RIN3: variants seen among roughly 807,000 people sequenced by gnomAD.
RIN3 encodes Ras and Rab interactor 3.
In RIN3, 54 loss-of-function variants were observed where a neutral mutation model predicts 76.3. That is an observed-to-expected ratio of 0.71 (90% CI 0.57 to 0.89). The LOEUF (loss-of-function observed/expected upper bound fraction) is 0.89. Among genes scored for constraint, RIN3 ranks in the 40% least tolerant of loss-of-function variants. The pLI, the probability that RIN3 is intolerant of heterozygous loss-of-function variation, is 0.00. For synonymous variants in RIN3, 576 were observed against 564.0 expected, an observed-to-expected ratio of 1.02 and a Z score of -0.30; for missense variants, 1,256 against 1,322.1, an observed-to-expected ratio of 0.95 and a Z score of 0.78.
intron 6 of RIN3, among the ~76,000 whole-genome samples, chr14:92,653,522 A>C (rs1221621384): frequency 6.6e-6 from 1 of 152,154 alleles, no homozygotes; most frequent in Non-Finnish European, 1.5e-5. Context: ...CTCCGCAGTG[A>C]AATCATATGC....
At chr14:92,662,758 C>T (rs1887936890) in intron 7 of RIN3, among the ~76,000 whole-genome samples, 1 of 152,132 alleles carries the variant, frequency 6.6e-6, no homozygotes, top group Non-Finnish European at 1.5e-5. Context: ...CAATGAGTCC[C>T]AGTTTATCCA....
At chr14:92,516,341 T>C (rs1250459621) in intron 1 of RIN3, among the ~76,000 whole-genome samples, 1 of 152,128 alleles carries the variant, frequency 6.6e-6, no homozygotes, top group Admixed American at 6.5e-5. Context: ...GGGGTCCTGC[T>C]GGAGCCCTGA....
chr14:92,598,141 T>A (rs1885215402), intron 3 of RIN3, among the ~76,000 whole-genome samples: 1 of 152,168 alleles, frequency 6.6e-6, no homozygotes, highest in South Asian at 2.1e-4. Flanking sequence ...AGCTTCTGCC[T>A]GGACTCTGGG....
intron 1 of RIN3, among the ~76,000 whole-genome samples, chr14:92,529,955 T>G (rs1229989064): frequency 6.6e-6 from 1 of 152,174 alleles, no homozygotes. Context: ...TAAAACAAGG[T>G]TATGTATTGA....
Position 92,641,240 on chromosome 14 carries a change from A to T in RIN3, c.443A>T (p.Asp148Val). ...TTCTGCCCCTCGTGTCTTCACAGAGACTTACTGCCCTTCACACTGCGGCTA... is the reference window on the plus strand; with the variant it reads ...TTCTGCCCCTCGTGTCTTCACAGAGTCTTACTGCCCTTCACACTGCGGCTA... Reference protein sequence around the residue: ...RLIAFYCVSRDLLPFTLRLPQ... With the variant: ...RLIAFYCVSRVLLPFTLRLPQ... Residue 148 changes from aspartate to valine, a missense_variant and splice_region_variant, in exon 5 of 10, where the codon GAC (aspartate) becomes GTC (valine). By Grantham distance (152) the Asp-to-Val change is radical (BLOSUM62 -3). Transcript: ENST00000216487. 1 of 1,613,050 alleles carries T rather than the reference A, an allele frequency of 6.2e-7. No individual in the cohort carries two copies. The highest frequency in any genetic ancestry group is 8.5e-7 in the Non-Finnish European group (1 of 1,179,024).
chr14:92,601,352 G>T (rs972783068), intron 3 of RIN3, among the ~76,000 whole-genome samples: 1 of 152,136 alleles, frequency 6.6e-6, no homozygotes, highest in Non-Finnish European at 1.5e-5. Flanking sequence ...CCAAGGCCAC[G>T]TCCTAGCCTC....
intron 7 of RIN3, among the ~76,000 whole-genome samples, chr14:92,671,519 A>T (rs1390757235): frequency 6.6e-6 from 1 of 152,198 alleles, no homozygotes; most frequent in Non-Finnish European, 1.5e-5. Context: ...TTGGAGTTGG[A>T]GGAGGCAGAT....
At position 92,651,642 on chromosome 14, in the gene RIN3, G is replaced by C. The variant is rs781601373; in HGVS notation, c.593G>C (p.Arg198Thr). Reference sequence around the variant, plus strand: ...AGAGGGAAGCCAGCAGAGCCCCCAAGAGACCGGGCCCCCGGATTCCCCCTA... The same window carrying C: ...AGAGGGAAGCCAGCAGAGCCCCCAACAGACCGGGCCCCCGGATTCCCCCTA... The part of the protein sequence containing the change: ...QERGKPAEPP[R>T]DRAPGFPLVS... The change falls in exon 6 of 10, where the codon AGA becomes ACA. Residue 198 changes from arginine to threonine, a missense_variant. Physicochemically the swap from Arg to Thr is moderately conservative, Grantham distance 71. This residue lies in a region of RIN3 where 610 missense variants were observed against 626.4 expected (regional missense o/e 0.97). Coordinates refer to ENST00000216487, the MANE Select transcript of RIN3 (RefSeq NM_024832.5). 18 of 1,613,462 alleles carry C rather than the reference G, an allele frequency of 1.1e-5. No homozygotes were observed. The highest frequency in any genetic ancestry group is 1.1e-4 in the East Asian group (5 of 44,856).
intron 4 of RIN3, among the ~76,000 whole-genome samples, chr14:92,627,738 G>C (rs72699835): frequency 6.6e-6 from 1 of 152,178 alleles, no homozygotes; most frequent in African/African-American, 2.4e-5. Context: ...AAGGCAGTGG[G>C]TCACGTCTCC....
intron 4 of RIN3, among the ~76,000 whole-genome samples, chr14:92,638,332 G>A (rs1199735494): frequency 6.6e-6 from 1 of 152,240 alleles, no homozygotes; most frequent in African/African-American, 2.4e-5. Flanking sequence ...GAGCCAGCAG[G>A]AGTCCCCCGA....
At position 92,555,777 on chromosome 14, in the gene RIN3, A is replaced by T; in HGVS notation, c.71A>T (p.Glu24Val). The change falls in exon 2 of 10, where the codon GAG (glutamate) becomes GTG (valine). Residue 24 changes from glutamate (E) to valine (V), a missense_variant. Around this residue, in one of 3 missense-constraint regions of RIN3, gnomAD observed 610 missense variants for 626.4 expected, o/e 0.97. Transcript: ENST00000216487. ...CCGGTTCCAGTTGTTGGCAAAGGAG[A>T]GGAAGAGGAAGAGGAAGATGGCATG... is the stretch of plus-strand genomic sequence containing the variant. The part of the protein sequence containing the change: ...TGPVPVVGKG[E>V]EEEEEDGMRL... The T allele has an allele frequency of 6.2e-7, 1 of 1,611,820 alleles. No individual in the cohort carries two copies. Among genetic ancestry groups the T allele is most frequent in the Non-Finnish European group, 8.5e-7 (1 of 1,179,704 alleles).
chr14:92,642,345 C>T (rs1007773697), intron 5 of RIN3, among the ~76,000 whole-genome samples: 4 of 152,124 alleles, frequency 2.6e-5, no homozygotes, highest in African/African-American at 9.7e-5. Flanking sequence ...GATCCTCCCA[C>T]CTTGGCTTCC....
At chr14:92,608,564 T>G (rs1411429172) in intron 3 of RIN3, among the ~76,000 whole-genome samples, 1 of 151,688 alleles carries the variant, frequency 6.6e-6, no homozygotes, top group Non-Finnish European at 1.5e-5. Flanking sequence ...AGACAGAGTC[T>G]CACTCTGTTG....
At chr14:92,575,767 C>T (rs560699749) in intron 2 of RIN3, among the ~76,000 whole-genome samples, 81 of 152,270 alleles carry the variant, frequency 5.3e-4, no homozygotes, top group African/African-American at 1.9e-3. Flanking sequence ...GGCTTCTTTA[C>T]CACGTCCTGT....
intron 8 of RIN3, among the ~76,000 whole-genome samples, chr14:92,677,952 T>G (rs1464567724): frequency 7.0e-6 from 1 of 142,312 alleles, no homozygotes; most frequent in Non-Finnish European, 1.5e-5. Flanking sequence ...TCCAACCACC[T>G]ACCCACCCAC....
At chr14:92,640,216 G>A (rs1214504408) in intron 4 of RIN3, among the ~76,000 whole-genome samples, 614 of 111,856 alleles carry the variant, frequency 5.5e-3, no homozygotes, top group African/African-American at 0.016. Flanking sequence ...CTGCCTGACT[G>A]TGCGTTTGCT....
At chr14:92,687,369 G>C (rs1305414187) in intron 9 of RIN3, 3 of 152,520 alleles carry the variant, frequency 2.0e-5, no homozygotes, top group Non-Finnish European at 4.4e-5. Flanking sequence ...TGCTCATGCC[G>C]GGCCTTCCCC....
chr14:92,590,866 A>G (rs1884955299), intron 3 of RIN3, among the ~76,000 whole-genome samples: 2 of 152,164 alleles, frequency 1.3e-5, no homozygotes, highest in African/African-American at 4.8e-5. Context: ...ATACCTTCTC[A>G]TCATATCACT....
Position 92,513,845 on chromosome 14 carries a change from C to A in RIN3, c.-88C>A, listed in dbSNP as rs547747275. ...GCCTGGCCCTTCCAGAGGGCCAGAG[C>A]CAGGGACATGCGGGCGCCCGGGACT... is the stretch of plus-strand genomic sequence containing the variant. On this transcript the variant is annotated 5_prime_UTR_variant, in exon 1 of 10. Coordinates refer to ENST00000216487, the MANE Select transcript of RIN3 (RefSeq NM_024832.5). The A allele has an allele frequency of 5.5e-3, 5,385 of 986,980 alleles. 23 individuals are homozygous for A. The highest frequency in any genetic ancestry group is 5.9e-3 in the Non-Finnish European group (4,525 of 761,438). 61.1% of individuals were successfully genotyped at this position (986,980 alleles called of 1,614,324 possible).
Sources: allele counts gnomAD v4.1 joint callset (sites outside exome capture counted in the v4.1 genomes callset), GRCh38; gene constraint gnomAD v4.1.1; regional missense constraint gnomAD v4.1.1; transcripts MANE v1.5; gene names NCBI Gene and HGNC (gene_info 2026-07-23, HGNC 2026-07-21).